CTSB: variants seen among roughly 807,000 people sequenced by gnomAD.
The protein encoded by CTSB is APP secretase.
A neutral mutation model predicts 44.3 loss-of-function variants in CTSB; 57 were observed. The observed-to-expected ratio is 1.29, with a 90% CI of 1.04 to 1.60. The LOEUF is 1.60. Among genes scored for constraint, CTSB ranks in the 40% most tolerant of loss-of-function variants. CTSB has a pLI of 0.00. For synonymous variants in CTSB, 320 were observed against 168.0 expected (o/e 1.91, Z -7.00); for missense variants, 768 against 443.0 (o/e 1.73, Z -6.59).
Position 11,847,012 on chromosome 8 carries a change from C to A in CTSB, c.793+40G>T, listed in dbSNP as rs531710739. 8 of 999,334 alleles carry A rather than the reference C, an allele frequency of 8.0e-6. 1 individual carries two copies. The East Asian group carries it at 1.2e-4, about 15-fold the overall frequency. The allele number at this position is 999,334 out of a possible 1,614,324, so 61.9% of individuals were successfully genotyped here. A position where few individuals can be genotyped will look rare whatever the true frequency, so the allele number is the denominator to read the frequency against. ...CATCCTGGCACCCAGGCTCCCCTCC[C>A]GACCCCCACCCTCTATTGCCATCAG... is the stretch of plus-strand genomic sequence containing the variant. On this transcript the variant is annotated intron_variant, in intron 8 of 9. Transcript: ENST00000353047.
intron 9 of CTSB, 36 bp from the exon 10 acceptor site, chr8:11,845,258 C>T (rs142249463): frequency 3.4e-6 from 5 of 1,487,032 alleles, no homozygotes; most frequent in Admixed American, 1.7e-5. Context: ...TAAAGTGTGA[C>T]AAGGGTCAAC....
chr8:11,852,782 A>G, intron 2 of CTSB, 87 bp from the exon 3 acceptor site: 1 of 1,285,366 alleles, frequency 7.8e-7, no homozygotes. Flanking sequence ...CAACCCAGGG[A>G]AAACCAGAGA....
intron 1 of CTSB, among the ~76,000 whole-genome samples, chr8:11,854,397 T>C (rs973268506): frequency 6.6e-6 from 1 of 152,140 alleles, no homozygotes; most frequent in Non-Finnish European, 1.5e-5. Flanking sequence ...AGGGGTTCTA[T>C]CTGAAGAACA....
chr8:11,856,757 A>C (rs540059593), intron 1 of CTSB, among the ~76,000 whole-genome samples: 2 of 152,244 alleles, frequency 1.3e-5, no homozygotes, highest in East Asian at 3.9e-4. Context: ...CACATGTAGG[A>C]ACACTCCTGC....
chr8:11,866,454 A>G (rs530172908), intron 1 of CTSB, among the ~76,000 whole-genome samples: 1 of 152,368 alleles, frequency 6.6e-6, no homozygotes, highest in Non-Finnish European at 1.5e-5. Context: ...CAAATGACCA[A>G]AGACGAAGGG....
chr8:11,845,579 G>T, intron 9 of CTSB, 82 bp downstream of exon 9: 1 of 1,521,964 alleles, frequency 6.6e-7, no homozygotes. Context: ...GCTGTGCGGT[G>T]GGTAGAACAG....
intron 1 of CTSB, among the ~76,000 whole-genome samples, chr8:11,854,437 A>G (rs1331565112): frequency 1.3e-5 from 2 of 152,092 alleles, no homozygotes; most frequent in Non-Finnish European, 2.9e-5. Context: ...TTAAGCAACA[A>G]TTCATCTAGG....
rs71518539 is a variant in CTSB, at chr8:11,842,928, C to T, written c.*2197G>A. On this transcript the variant is annotated 3_prime_UTR_variant, in exon 10 of 10. Transcript: ENST00000353047. Reference sequence around the variant, plus strand: ...CTGGGATTACAGGCTTGAGCCACTGCGCCCGGCCTTTTTTTTTTTTTTTTT... The same window carrying T: ...CTGGGATTACAGGCTTGAGCCACTGTGCCCGGCCTTTTTTTTTTTTTTTTT... 0.18 allele frequency: 25,339 copies of T among 142,040 alleles called. 2,734 individuals are homozygous for T. The highest frequency in any genetic ancestry group is 0.46 in the East Asian group (2,192 of 4,766). 8.8% of individuals were successfully genotyped at this position (142,040 alleles called of 1,614,324 possible).
chr8:11,852,761 C>A, intron 2 of CTSB, 66 bp from the exon 3 acceptor site: 1 of 1,445,328 alleles, frequency 6.9e-7, no homozygotes. Flanking sequence ...ACGCTGCCCA[C>A]ACACGAAGCC....
chr8:11,852,121 A>C (rs1029265418), intron 3 of CTSB, among the ~76,000 whole-genome samples: 5 of 151,976 alleles, frequency 3.3e-5, no homozygotes, highest in African/African-American at 1.2e-4. Flanking sequence ...TAATCCCAGC[A>C]CTCTGGGATG....
Position 11,844,989 on chromosome 8 carries a change from G to A in CTSB, c.*136C>T. On this transcript the variant is annotated 3_prime_UTR_variant, in exon 10 of 10. Transcript: ENST00000353047. ...ATGTAGCCAGGACTTGGTCTCCTTG[G>A]AAGACAGGTCTGATGTTTGGCCAAT... 4.6e-6 allele frequency: 3 copies of A among 653,234 alleles called. No homozygotes were observed. The highest frequency in any genetic ancestry group is 1.8e-5 in the South Asian group (1 of 55,956). 40.5% of individuals were successfully genotyped at this position (653,234 alleles called of 1,614,324 possible). A position where few individuals can be genotyped will look rare whatever the true frequency, so the allele number is the denominator to read the frequency against.
rs968304269 is a variant in CTSB, at chr8:11,845,043, G to T, written c.*82C>A. 4.6e-5 allele frequency: 44 copies of T among 959,334 alleles called. No homozygotes were observed. The highest frequency in any genetic ancestry group is 6.6e-5 in the Non-Finnish European group (40 of 603,204). 59.4% of individuals were successfully genotyped at this position (959,334 alleles called of 1,614,324 possible). A position where few individuals can be genotyped will look rare whatever the true frequency, so the allele number is the denominator to read the frequency against. On this transcript the variant is annotated 3_prime_UTR_variant, in exon 10 of 10. Coordinates refer to ENST00000353047, the MANE Select transcript of CTSB (RefSeq NM_001908.5). ...GTCCTTCAGACCCTGTCTGAAACTT[G>T]TATCTTACGTGAACTTAAAGAATAA...
chr8:11,848,308 G>A, intron 5 of CTSB, 156 bp from the exon 6 acceptor site: 1 of 711,026 alleles, frequency 1.4e-6, no homozygotes, highest in Non-Finnish European at 2.6e-6. Context: ...CCCTCCAAGG[G>A]ACGCTCCCTA....
At chr8:11,846,241 C>G (rs1181464012) in intron 8 of CTSB, 2 of 152,784 alleles carry the variant, frequency 1.3e-5, no homozygotes, top group African/African-American at 4.8e-5. Context: ...CTAATGCTAG[C>G]TGATGGGAAA....
At chr8:11,857,143 C>G (rs532203931) in intron 1 of CTSB, among the ~76,000 whole-genome samples, 1 of 152,170 alleles carries the variant, frequency 6.6e-6, no homozygotes, top group Admixed American at 6.5e-5. Context: ...TGTGCCTCAG[C>G]CTCCTGAGTA....
chr8:11,849,004 C>G (rs28592650), intron 5 of CTSB, 42 bp downstream of exon 5: 184,057 of 1,454,278 alleles, frequency 0.13, 12,621 homozygotes, highest in African/African-American at 0.15. Context: ...GGCCCAGGGT[C>G]TCTCAGCACT....
At position 11,848,108 on chromosome 8, in the gene CTSB, C is replaced by G; in HGVS notation, c.491G>C (p.Arg164Thr). The change falls in exon 6 of 10, where the codon AGA (arginine) becomes ACA (threonine). Residue 164 changes from arginine to threonine, a missense_variant. By Grantham distance (71) the Arg-to-Thr change is moderately conservative (BLOSUM62 -1). Coordinates refer to ENST00000353047, the MANE Select transcript of CTSB (RefSeq NM_001908.5). The stretch of plus-strand genomic sequence containing the variant: ...GAGGCCACCAGAAACCAGGCCTTTT[C>G]TTGTCCAGAAGTTCCAAGCTTCAGC... ...YPAEAWNFWT[R>T]KGLVSGGLYE... 1 of 1,614,170 alleles carries G rather than the reference C, an allele frequency of 6.2e-7. No individual in the cohort carries two copies. The highest frequency in any genetic ancestry group is 8.5e-7 in the Non-Finnish European group (1 of 1,180,008).
intron 1 of CTSB, among the ~76,000 whole-genome samples, chr8:11,860,876 CA>C (rs1464719355): frequency 6.6e-6 from 1 of 152,220 alleles, no homozygotes; most frequent in African/African-American, 2.4e-5. Flanking sequence ...CACTTAAGTG[CA>C]ACCACAAAAC....
At position 11,847,602 on chromosome 8, in the gene CTSB, C is replaced by G. The variant is rs1377828527; in HGVS notation, c.676+77G>C. On this transcript the variant is annotated intron_variant, in intron 7 of 9. Transcript: ENST00000353047. Reference sequence around the variant, plus strand: ...CCCCAAGGCTCCTCAGCCCTGACCTCTTCGCTGCAGCGTGAGGAGGGATGC... The same window carrying G: ...CCCCAAGGCTCCTCAGCCCTGACCTGTTCGCTGCAGCGTGAGGAGGGATGC... 8 of 1,470,446 alleles carry G rather than the reference C, an allele frequency of 5.4e-6. No individual in the cohort carries two copies. The Admixed American group carries it at 7.6e-5, about 14-fold the overall frequency. The allele number at this position is 1,470,446 out of a possible 1,614,324, so 91.1% of individuals were successfully genotyped here. A position where few individuals can be genotyped will look rare whatever the true frequency, so the allele number is the denominator to read the frequency against.
Sources: allele counts gnomAD v4.1 joint callset (sites outside exome capture counted in the v4.1 genomes callset), GRCh38; gene constraint gnomAD v4.1.1; transcripts MANE v1.5; gene names NCBI Gene and HGNC (gene_info 2026-07-23, HGNC 2026-07-21).